BEST1: variants seen among roughly 807,000 people sequenced by gnomAD.
The protein encoded by BEST1 is bestrophin-1.
BEST1 carries 58 observed loss-of-function variants against 63.3 expected under a neutral mutation model. The observed-to-expected ratio is 0.92, with a 90% CI of 0.74 to 1.14. The LOEUF (loss-of-function observed/expected upper bound fraction) is 1.14, where lower values mean the gene tolerates loss of function less well. BEST1 is among the 50% of genes most tolerant of loss of function. The pLI is 0.00. For synonymous variants in BEST1, 283 were observed against 291.6 expected (o/e 0.97, Z 0.30); for missense variants, 671 against 740.1 (o/e 0.91, Z 1.08).
chr11:61,963,645 T>C (rs995440776), intron 10 of BEST1: 31 of 1,052,344 alleles, frequency 2.9e-5, no homozygotes, highest in African/African-American at 6.7e-5. Context: ...GCTATTATGA[T>C]TGAAAACTTA....
intron 1 of BEST1, among the ~76,000 whole-genome samples, chr11:61,951,233 G>A (rs995074415): frequency 6.8e-6 from 1 of 147,176 alleles, no homozygotes; most frequent in African/African-American, 2.7e-5. Context: ...TTTAGACAGA[G>A]TTTTGCTCTT....
At chr11:61,963,972 G>A (rs1159921161) in intron 10 of BEST1, 132 bp from the exon 11 acceptor site, 37 of 1,510,246 alleles carry the variant, frequency 2.4e-5, no homozygotes, top group African/African-American at 5.7e-5. Flanking sequence ...CAGCCTGGGC[G>A]ACGGAGTGAG....
chr11:61,954,468 A>T (rs1220749091), intron 2 of BEST1, among the ~76,000 whole-genome samples: 1 of 151,784 alleles, frequency 6.6e-6, no homozygotes, highest in Non-Finnish European at 1.5e-5. Flanking sequence ...AAAGCCAAAC[A>T]CTCTGTTTCT....
intron 8 of BEST1, 73 bp downstream of exon 8, chr11:61,959,651 C>A: frequency 6.6e-7 from 1 of 1,524,074 alleles, no homozygotes; most frequent in Non-Finnish European, 9.1e-7. Context: ...CCCCACTGTT[C>A]TGTAGGGAGG....
chr11:61,958,493 G>C lies in BEST1; in HGVS notation c.867+195G>C, dbSNP rs575960250. On this transcript the variant is annotated intron_variant, in intron 7 of 10. Coordinates refer to ENST00000378043, the MANE Select transcript of BEST1 (RefSeq NM_004183.4). ...GAGAATCGCTTGAACCCGGGAGGCG[G>C]AGGTTGTGGTGAGTTGAGATCGTGC... The C allele has an allele frequency of 1.4e-5, 20 of 1,472,584 alleles. No homozygotes were observed. The African/African-American group carries it at 2.6e-4, about 19-fold the overall frequency. 91.2% of individuals were successfully genotyped at this position (1,472,584 alleles called of 1,614,324 possible). A position where few individuals can be genotyped will look rare whatever the true frequency, so the allele number is the denominator to read the frequency against.
chr11:61,954,752 A>C, intron 2 of BEST1: 1 of 976,794 alleles, frequency 1.0e-6, no homozygotes, highest in Non-Finnish European at 1.2e-6. Flanking sequence ...GCCCGTCCCA[A>C]ACACTCTGTT....
chr11:61,954,811 G>C (rs545162609), intron 2 of BEST1: 355 of 985,372 alleles, frequency 3.6e-4, no homozygotes, highest in Non-Finnish European at 4.2e-4. Flanking sequence ...AAAGGATCAG[G>C]GTGTCTGAAA....
chr11:61,960,013 C>G lies in BEST1; in HGVS notation c.1070C>G (p.Ala357Gly). Residue 357 changes from alanine to glycine, a missense_variant, in exon 9 of 11, where the codon GCC (alanine) becomes GGC (glycine). Ala to Gly is a moderately conservative substitution (Grantham distance 60). Coordinates refer to ENST00000378043, the MANE Select transcript of BEST1 (RefSeq NM_004183.4). The part of the protein sequence containing the change: ...YTAASAQFRR[A>G]SFMGSTFNIS... ...GCTGCTTCCGCCCAGTTCCGTCGAG[C>G]CTCCTTTATGGGCTCCACCTTCAAC... The G allele has an allele frequency of 6.2e-7, 1 of 1,610,448 alleles. No individual in the cohort carries two copies. Among genetic ancestry groups the G allele is most frequent in the Non-Finnish European group, 8.5e-7 (1 of 1,178,688 alleles).
intron 9 of BEST1, chr11:61,960,424 G>A (rs1019113346): frequency 2.8e-5 from 8 of 290,114 alleles, no homozygotes; most frequent in Non-Finnish European, 5.4e-5. Flanking sequence ...AGGTTGGAGC[G>A]CAGTGGCGTG....
chr11:61,962,364 C>G lies in BEST1; in HGVS notation c.1210C>G (p.Pro404Ala), dbSNP rs202125490. ...CCTGCAGTCCCATGATCACCATCCT[C>G]CCAGGGCAAACTCAAGGACCAAACT... ...LGLQSHDHHP[P>A]RANSRTKLLW... Residue 404 changes from proline (P) to alanine (A), a missense_variant, in exon 10 of 11, where the codon CCC (proline) becomes GCC (alanine). Coordinates refer to ENST00000378043, the MANE Select transcript of BEST1 (RefSeq NM_004183.4). 1 of 1,614,178 alleles carries G rather than the reference C, an allele frequency of 6.2e-7. No individual in the cohort carries two copies. Among genetic ancestry groups the G allele is most frequent in the Non-Finnish European group, 8.5e-7 (1 of 1,180,020 alleles).
rs375873874 is a variant in BEST1 at position 61,955,113 on chromosome 11, C to A, written c.159C>A (p.Ala53=). The change falls in exon 3 of 11, where the codon GCC becomes GCA. Residue 53 remains alanine, a synonymous_variant. Coordinates refer to ENST00000378043, the MANE Select transcript of BEST1 (RefSeq NM_004183.4). ...YYIIRFIYRL[A]LTEEQQLMFE... ...CCCCCACCCCCACCCCCAGGCTGGC[C>A]CTCACGGAAGAACAACAGCTGATGT... The A allele has an allele frequency of 1.7e-4, 271 of 1,614,030 alleles. No individual in the cohort carries two copies. Among genetic ancestry groups the A allele is most frequent in the Non-Finnish European group, 2.3e-4 (267 of 1,180,042 alleles).
At chr11:61,958,951 G>GCC (rs537297948) in intron 7 of BEST1, 5 of 210,154 alleles carry the variant, frequency 2.4e-5, no homozygotes, top group African/African-American at 1.1e-4. Flanking sequence ...AATTCCCCCT[G>GCC]CCCCCCCAGT....
chr11:61,964,969 TGG>T, downstream of BEST1: 1 of 1,614,156 alleles, frequency 6.2e-7, no homozygotes, highest in Non-Finnish European at 8.5e-7. Flanking sequence ...ATTTATTTCC[TGG>T]GGTTCCAATA....
At chr11:61,963,535 C>T in intron 10 of BEST1, 1 of 1,030,970 alleles carries the variant, frequency 9.7e-7, no homozygotes, top group Non-Finnish European at 1.2e-6. Context: ...ACACTTTCAC[C>T]CAATTATAAA....
At chr11:61,955,584 C>A (rs1191745180) in intron 3 of BEST1, 134 bp from the exon 4 acceptor site, 3 of 1,122,180 alleles carry the variant, frequency 2.7e-6, no homozygotes, top group Admixed American at 5.1e-5. Context: ...CTCCCGAGCG[C>A]CTTCCAGGAG....
At chr11:61,961,762 AGAT>A (rs1449127580) in intron 9 of BEST1, 1 of 183,132 alleles carries the variant, frequency 5.5e-6, no homozygotes, top group Non-Finnish European at 1.2e-5. Context: ...ACTCTCTGGT[AGAT>A]AAGCTTTCCC....
Position 61,964,415 on chromosome 11 carries a change from T to G in BEST1, c.*293T>G. 1.6e-6 allele frequency: 1 copy of G among 625,532 alleles called. No individual in the cohort carries two copies. The highest frequency in any genetic ancestry group is 2.8e-6 in the Non-Finnish European group (1 of 363,200). The allele number at this position is 625,532 out of a possible 1,614,324, so 38.7% of individuals were successfully genotyped here. ...ATCTGAATCCAAGACAGCCACACCTTAGTATACTGCCCAAACTAATGAGTT... is the reference window on the plus strand; with the variant it reads ...ATCTGAATCCAAGACAGCCACACCTGAGTATACTGCCCAAACTAATGAGTT... On this transcript the variant is annotated 3_prime_UTR_variant, in exon 11 of 11. Transcript: ENST00000378043.
At position 61,963,491 on chromosome 11, in the gene BEST1, A is replaced by G. The variant is rs982068713; in HGVS notation, c.1739+598A>G. On this transcript the variant is annotated intron_variant, in intron 10 of 10. Transcript: ENST00000378043. ...TGGGGTCAGCCCAAAGCTGTCACAA[A>G]ATCAGATATTTCCCTTTATTCCAGA... 100 of 1,073,046 alleles carry G rather than the reference A, an allele frequency of 9.3e-5. No homozygotes were observed. In the African/African-American group the frequency reaches 1.6e-3, roughly 17 times the overall value. The allele number at this position is 1,073,046 out of a possible 1,614,324, so 66.5% of individuals were successfully genotyped here.
At chr11:61,957,658 A>G (rs981746254) in intron 6 of BEST1, among the ~76,000 whole-genome samples, 194 bp downstream of exon 6, 3 of 152,200 alleles carry the variant, frequency 2.0e-5, no homozygotes, top group Admixed American at 6.5e-5. Flanking sequence ...CCAGTCCAGT[A>G]GAGGCAATGT....
Sources: gnomAD v4.1 joint callset for allele counts (sites outside exome capture counted in the v4.1 genomes callset) on GRCh38, gnomAD v4.1.1 for gene constraint, MANE v1.5 for transcripts, NCBI Gene and HGNC (gene_info 2026-07-23, HGNC 2026-07-21) for gene names.